SLAIN1: variants seen among roughly 807,000 people sequenced by gnomAD.
SLAIN1 encodes the protein SLAIN motif-containing protein 1.
Under a neutral mutation model 55.4 loss-of-function variants are expected in SLAIN1, and 17 were observed. That is an observed-to-expected ratio of 0.31 (90% CI 0.21 to 0.46). SLAIN1 has a LOEUF of 0.46. Ranked by LOEUF, SLAIN1 falls within the 20% of genes least tolerant of loss-of-function variation. The probability of loss-of-function intolerance (pLI) is 1.00; values close to 1 mark genes in which losing one functional copy is unlikely to be tolerated. For synonymous variants in SLAIN1, 348 were observed against 337.4 expected (o/e 1.03, Z -0.35); for missense variants, 682 against 785.1 (o/e 0.87, Z 1.57).
chr13:77,700,047 A>G (rs538943333), intron 1 of SLAIN1, among the ~76,000 whole-genome samples: 1 of 152,254 alleles, frequency 6.6e-6, no homozygotes, highest in East Asian at 1.9e-4. Flanking sequence ...TTTGATGGGG[A>G]GATATATGGG....
chr13:77,751,873 A>G (rs944368555), intron 4 of SLAIN1, among the ~76,000 whole-genome samples: 4 of 152,050 alleles, frequency 2.6e-5, no homozygotes, highest in Non-Finnish European at 5.9e-5. Flanking sequence ...GTACTCGTAT[A>G]TATGCTTTTT....
At chr13:77,744,679 A>G (rs1873695852) in intron 3 of SLAIN1, among the ~76,000 whole-genome samples, 1 of 152,248 alleles carries the variant, frequency 6.6e-6, no homozygotes, top group South Asian at 2.1e-4. Flanking sequence ...ACAGATGGAC[A>G]GTTTCCTAAA....
chr13:77,739,196 G>A (rs932581883), intron 2 of SLAIN1, among the ~76,000 whole-genome samples: 3 of 151,964 alleles, frequency 2.0e-5, no homozygotes, highest in African/African-American at 7.2e-5. Flanking sequence ...ATTTTTCACC[G>A]AGATTTTAGC....
At chr13:77,722,415 T>C (rs1453229228) in intron 2 of SLAIN1, among the ~76,000 whole-genome samples, 2 of 146,776 alleles carry the variant, frequency 1.4e-5, no homozygotes, top group Non-Finnish European at 3.0e-5. Flanking sequence ...ACAACTGTTA[T>C]AAGACAAATA....
chr13:77,724,956 T>G (rs1165653536), intron 2 of SLAIN1, among the ~76,000 whole-genome samples: 1 of 152,210 alleles, frequency 6.6e-6, no homozygotes, highest in Non-Finnish European at 1.5e-5. Flanking sequence ...TTGTTTCTTT[T>G]CATTTGAATA....
At chr13:77,700,606 G>A (rs938187250) in intron 1 of SLAIN1, among the ~76,000 whole-genome samples, 2 of 152,134 alleles carry the variant, frequency 1.3e-5, no homozygotes, top group Non-Finnish European at 2.9e-5. Context: ...TATCAACAGG[G>A]TTTAATTTTT....
chr13:77,737,094 T>A (rs1440702501), intron 2 of SLAIN1, among the ~76,000 whole-genome samples: 1 of 151,008 alleles, frequency 6.6e-6, no homozygotes, highest in Non-Finnish European at 1.5e-5. Flanking sequence ...TTCAACTAAT[T>A]TTTTTTTTAA....
chr13:77,719,967 T>C (rs1442353370), intron 2 of SLAIN1, among the ~76,000 whole-genome samples: 7 of 152,074 alleles, frequency 4.6e-5, no homozygotes, highest in Non-Finnish European at 7.4e-5. Flanking sequence ...AAAAAAATTG[T>C]CAGTTATCAG....
Position 77,746,714 on chromosome 13 carries a change from C to T in SLAIN1, c.1117C>T (p.His373Tyr). 5.6e-6 allele frequency: 9 copies of T among 1,613,796 alleles called. No homozygotes were observed. Among genetic ancestry groups the T allele is most frequent in the Non-Finnish European group, 7.6e-6 (9 of 1,179,830 alleles). ...TTCCCCTTTCCAAAGAGGAATTCCC[C>T]ATTCACAGACTTTCTCCAGCATTCG... ...RCSPFQRGIP[H>Y]SQTFSSIREC... Residue 373 changes from histidine to tyrosine, a missense_variant, in exon 4 of 7, where the codon CAT becomes TAT. Coordinates refer to ENST00000418532, the MANE Select transcript of SLAIN1 (RefSeq NM_001242868.2).
chr13:77,758,810 G>A lies in SLAIN1; in HGVS notation c.1415-2018G>A, dbSNP rs535218106. Among the ~76,000 whole-genome samples the A allele has an allele frequency of 1.3e-4, 20 of 152,270 alleles. 1 individual carries two copies. The highest frequency in any genetic ancestry group is 4.8e-4 in the African/African-American group (20 of 41,580). On this transcript the variant is annotated intron_variant, in intron 5 of 6. Transcript: ENST00000418532. ...ATGCCTATTTTTATAGCAGTACCAT[G>A]CTGTTTTGGTAACTATAGCCTTGTA...
At chr13:77,744,146 A>C in intron 2 of SLAIN1, 137 bp from the exon 3 acceptor site, 1 of 712,140 alleles carries the variant, frequency 1.4e-6, no homozygotes, top group Non-Finnish European at 2.6e-6. Context: ...CACGTTGACC[A>C]TTAAATGGTG....
intron 1 of SLAIN1, among the ~76,000 whole-genome samples, chr13:77,712,968 C>T (rs2091168032): frequency 2.0e-5 from 3 of 151,950 alleles, no homozygotes; most frequent in Admixed American, 6.5e-5. Context: ...GAAAGGATTC[C>T]CTATTTAATA....
intron 5 of SLAIN1, among the ~76,000 whole-genome samples, chr13:77,754,066 T>C (rs577031604): frequency 2.0e-5 from 3 of 152,294 alleles, no homozygotes; most frequent in Middle Eastern, 6.8e-3. Context: ...TGCAGTTAAG[T>C]CTTACACTGA....
At chr13:77,708,915 T>G (rs1482640918) in intron 1 of SLAIN1, among the ~76,000 whole-genome samples, 4 of 152,004 alleles carry the variant, frequency 2.6e-5, no homozygotes, top group African/African-American at 9.7e-5. Context: ...AGAATGAGTT[T>G]GATGAATTGA....
intron 2 of SLAIN1, among the ~76,000 whole-genome samples, chr13:77,736,031 C>T (rs1366496184): frequency 6.6e-6 from 1 of 152,036 alleles, no homozygotes; most frequent in African/African-American, 2.4e-5. Flanking sequence ...CATAAATACC[C>T]TTTACAGAAT....
intron 1 of SLAIN1, among the ~76,000 whole-genome samples, chr13:77,706,785 C>T (rs2091094317): frequency 6.6e-6 from 1 of 152,102 alleles, no homozygotes; most frequent in African/African-American, 2.4e-5. Flanking sequence ...TTGTTCTGCC[C>T]TTACATAAGA....
At chr13:77,744,723 A>T (rs1873700459) in intron 3 of SLAIN1, among the ~76,000 whole-genome samples, 2 of 152,112 alleles carry the variant, frequency 1.3e-5, no homozygotes, top group Non-Finnish European at 1.5e-5. Flanking sequence ...TGGCCCAGCA[A>T]ACTGCACTCT....
chr13:77,735,934 T>C (rs765997319), intron 2 of SLAIN1, among the ~76,000 whole-genome samples: 32 of 152,022 alleles, frequency 2.1e-4, no homozygotes, highest in Non-Finnish European at 4.1e-4. Context: ...CTCTTAATTA[T>C]GGTAAATTCC....
At chr13:77,708,899 G>C (rs2091117533) in intron 1 of SLAIN1, among the ~76,000 whole-genome samples, 1 of 151,972 alleles carries the variant, frequency 6.6e-6, no homozygotes, top group African/African-American at 2.4e-5. Flanking sequence ...GAACAAAACT[G>C]GACGGAGAAT....
Sources: allele counts gnomAD v4.1 joint callset (sites outside exome capture counted in the v4.1 genomes callset), GRCh38; gene constraint gnomAD v4.1.1; transcripts MANE v1.5; gene names NCBI Gene and HGNC (gene_info 2026-07-23, HGNC 2026-07-21).